Variants in ATP8A1 observed in about 807,000 individuals in gnomAD.
The protein encoded by ATP8A1 is ATPase phospholipid transporting 8A1.
Under a neutral mutation model 177.7 loss-of-function variants are expected in ATP8A1, and 90 were observed. The ratio of observed to expected loss-of-function variants is 0.51; its 90% CI spans 0.43 to 0.60. The LOEUF (loss-of-function observed/expected upper bound fraction) is 0.60. ATP8A1 is among the 20% of genes least tolerant of loss of function. The pLI is 0.00. For synonymous variants in ATP8A1, 493 were observed against 485.9 expected (o/e 1.01, Z -0.19); for missense variants, 1,072 against 1,392.8 (o/e 0.77, Z 3.67).
intron 22 of ATP8A1, among the ~76,000 whole-genome samples, chr4:42,508,263 GC>G (rs1168176013): frequency 1.4e-4 from 21 of 152,184 alleles, no homozygotes; most frequent in Admixed American, 1.3e-3. Flanking sequence ...CTCCAGAGTA[GC>G]TTGGATTATA....
At chr4:42,487,192 C>A (rs531004915) in intron 24 of ATP8A1, among the ~76,000 whole-genome samples, 1 of 152,084 alleles carries the variant, frequency 6.6e-6, no homozygotes, top group Non-Finnish European at 1.5e-5. Context: ...AATAAAAGAA[C>A]GCCTTCTATC....
intron 20 of ATP8A1, among the ~76,000 whole-genome samples, chr4:42,538,368 C>G (rs924659239): frequency 2.0e-5 from 3 of 152,138 alleles, no homozygotes; most frequent in Admixed American, 2.0e-4. Context: ...GCAAAGACTT[C>G]ATGACCAAGA....
chr4:42,469,999 G>A (rs1720215348), intron 25 of ATP8A1, among the ~76,000 whole-genome samples: 1 of 152,204 alleles, frequency 6.6e-6, no homozygotes, highest in African/African-American at 2.4e-5. Context: ...TAAAGGCACT[G>A]TTTTCTTCCC....
chr4:42,509,349 C>T (rs1393685542), intron 22 of ATP8A1, among the ~76,000 whole-genome samples: 1 of 152,212 alleles, frequency 6.6e-6, no homozygotes, highest in African/African-American at 2.4e-5. Flanking sequence ...CTTTTCCAGG[C>T]TCCATAGTAG....
intron 7 of ATP8A1, chr4:42,588,573 GTCT>G: frequency 2.5e-6 from 1 of 396,132 alleles, no homozygotes; most frequent in Non-Finnish European, 4.6e-6. Context: ...ATCAGTAATG[GTCT>G]TCAAGATAAT....
At chr4:42,594,725 T>C (rs1477070560) in intron 6 of ATP8A1, among the ~76,000 whole-genome samples, 1 of 152,142 alleles carries the variant, frequency 6.6e-6, no homozygotes, top group African/African-American at 2.4e-5. Context: ...GACGCTATCA[T>C]ATATAATTGC....
intron 11 of ATP8A1, 107 bp from the exon 12 acceptor site, chr4:42,578,494 A>G (rs1451424467): frequency 8.1e-7 from 1 of 1,236,208 alleles, no homozygotes; most frequent in East Asian, 2.4e-5. Context: ...TTATTTGATA[A>G]TTTGGGAGGA....
At chr4:42,495,247 A>G (rs1723144926) in intron 24 of ATP8A1, among the ~76,000 whole-genome samples, 3 of 152,250 alleles carry the variant, frequency 2.0e-5, no homozygotes, top group Non-Finnish European at 4.4e-5. Flanking sequence ...CATTCTTAAT[A>G]ATACATTATG....
chr4:42,431,027 T>A (rs1291005743), intron 33 of ATP8A1, among the ~76,000 whole-genome samples: 2 of 152,184 alleles, frequency 1.3e-5, no homozygotes. Context: ...GACTTATGTT[T>A]GTATGTTTTT....
At chr4:42,499,722 T>C (rs1451159224) in intron 24 of ATP8A1, among the ~76,000 whole-genome samples, 1 of 152,226 alleles carries the variant, frequency 6.6e-6, no homozygotes, top group Non-Finnish European at 1.5e-5. Flanking sequence ...TTGGAGTTGA[T>C]GTGCCATGGA....
intron 15 of ATP8A1, among the ~76,000 whole-genome samples, chr4:42,557,827 G>A (rs895750131): frequency 2.0e-5 from 3 of 152,152 alleles, no homozygotes; most frequent in Non-Finnish European, 4.4e-5. Context: ...CAGATCACCT[G>A]AGGTCAGGAG....
chr4:42,653,671 G>A (rs1010067333), intron 1 of ATP8A1, among the ~76,000 whole-genome samples: 2 of 152,136 alleles, frequency 1.3e-5, no homozygotes, highest in Admixed American at 1.3e-4. Context: ...GCCCCCAACT[G>A]GCCCTGTTAG....
chr4:42,650,373 C>T (rs1004269719), intron 1 of ATP8A1, among the ~76,000 whole-genome samples: 1 of 152,202 alleles, frequency 6.6e-6, no homozygotes, highest in African/African-American at 2.4e-5. Flanking sequence ...CATCTCCATA[C>T]TCATCTCCAT....
At chr4:42,611,374 T>A (rs1736354175) in intron 5 of ATP8A1, among the ~76,000 whole-genome samples, 1 of 152,306 alleles carries the variant, frequency 6.6e-6, no homozygotes, top group East Asian at 1.9e-4. Flanking sequence ...ATGCTTAGTA[T>A]CATAATAAAA....
At chr4:42,473,817 T>C (rs1342716450) in intron 25 of ATP8A1, among the ~76,000 whole-genome samples, 1 of 99,644 alleles carries the variant, frequency 1.0e-5, no homozygotes. Context: ...GGCTAATTTT[T>C]GTGTTTTTTT....
At chr4:42,522,390 G>GAAAAAAAAAA in intron 21 of ATP8A1, 91 bp from the exon 22 acceptor site, 2 of 1,440,324 alleles carry the variant, frequency 1.4e-6, no homozygotes, top group Middle Eastern at 1.8e-4. Context: ...GTCCCATTTT[G>GAAAAAAAAAA]AAAAAAGTGA....
intron 16 of ATP8A1, 108 bp downstream of exon 16, chr4:42,555,860 G>A (rs148102628): frequency 1.6e-6 from 1 of 626,540 alleles, no homozygotes; most frequent in Admixed American, 3.8e-5. Context: ...ATAAATAAAA[G>A]ATCATGAAAG....
chr4:42,522,166 A>C lies in ATP8A1; in HGVS notation c.1941T>G (p.Ile647Met). 1 of 1,607,278 alleles carries C rather than the reference A, an allele frequency of 6.2e-7. No individual in the cohort carries two copies. The highest frequency in any genetic ancestry group is 8.5e-7 in the Non-Finnish European group (1 of 1,178,412). The change falls in exon 22 of 37, where the codon ATT becomes ATG. Residue 647 changes from isoleucine to methionine, a missense_variant. Ile to Met is a conservative substitution (Grantham distance 10). This residue lies in a region of ATP8A1 where 388 missense variants were observed against 471.7 expected (regional missense o/e 0.82). Coordinates refer to ENST00000381668, the MANE Select transcript of ATP8A1 (RefSeq NM_006095.2). ...AACAGAATCATCCACGTACCTTTTC[A>C]ATCAACTCATAACTCTCTTCGAGTT... is the stretch of plus-strand genomic sequence containing the variant. The part of the protein sequence containing the change: ...LLKLEESYEL[I>M]EKNLQLLGAT...
chr4:42,588,688 T>C (rs1273719131), intron 7 of ATP8A1: 4 of 159,820 alleles, frequency 2.5e-5, no homozygotes, highest in African/African-American at 9.6e-5. Context: ...CGGATTTATC[T>C]TTAGCTCAAA....
Sources: allele counts gnomAD v4.1 joint callset (sites outside exome capture counted in the v4.1 genomes callset), GRCh38; gene constraint gnomAD v4.1.1; regional missense constraint gnomAD v4.1.1; transcripts MANE v1.5; gene names NCBI Gene and HGNC (gene_info 2026-07-23, HGNC 2026-07-21).